The following MTDH variants were observed in gnomAD, a reference collection of about 807,000 sequenced individuals.
The protein encoded by MTDH is protein LYRIC.
MTDH carries 34 observed loss-of-function variants against 72.7 expected under a neutral mutation model. The ratio of observed to expected loss-of-function variants is 0.47; its 90% CI spans 0.36 to 0.62. The LOEUF (loss-of-function observed/expected upper bound fraction) is 0.62. Among genes scored for constraint, MTDH ranks in the 20% least tolerant of loss-of-function variants. The pLI, the probability that MTDH is intolerant of heterozygous loss-of-function variation, is 0.00. For missense variants in MTDH, 677 were observed against 699.4 expected (o/e 0.97, Z 0.36); for synonymous variants, 266 against 268.9 (o/e 0.99, Z 0.10).
chr8:97,710,737 C>A (rs1448833454), intron 8 of MTDH, among the ~76,000 whole-genome samples: 1 of 149,848 alleles, frequency 6.7e-6, no homozygotes, highest in South Asian at 2.1e-4. Context: ...CGGTGGTTCA[C>A]GCCTGTAATC....
In MTDH at chr8:97,644,812, C is replaced by T; in HGVS notation, c.306C>T (p.Asp102=). The T allele has an allele frequency of 6.4e-7, 1 of 1,574,016 alleles. No homozygotes were observed. The highest frequency in any genetic ancestry group is 8.6e-7 in the Non-Finnish European group (1 of 1,167,464). ...AAAVPAAAPD[D]LALLKNLRSE... ...CCGTGCCGGCCGCGGCCCCCGACGA[C>T]CTGGCCTTGCTGAAGAATCTCCGGA... The change falls in exon 1 of 12, where the codon GAC becomes GAT. Residue 102 remains aspartate, a synonymous_variant. Transcript: ENST00000336273.
intron 2 of MTDH, among the ~76,000 whole-genome samples, chr8:97,664,752 T>A (rs1812311742): frequency 6.6e-6 from 1 of 151,892 alleles, no homozygotes; most frequent in Admixed American, 6.6e-5. Flanking sequence ...CTTCCTTCCT[T>A]CTTTCCTTTC....
Position 97,729,469 on chromosome 8 carries a change from T to A in MTDH, c.*4799T>A, listed in dbSNP as rs562933875. ...CCAAATTAACATTTTGAGATTCTGT[T>A]AGGAAGATGAGAATTGGATAATGGG... On this transcript the variant is annotated 3_prime_UTR_variant, in exon 12 of 12. Coordinates refer to ENST00000336273, the MANE Select transcript of MTDH (RefSeq NM_178812.4). Among the ~76,000 whole-genome samples the A allele has an allele frequency of 6.6e-6, 1 of 152,266 alleles. No homozygotes were observed. Among genetic ancestry groups the A allele is most frequent in the African/African-American group, 2.4e-5 (1 of 41,552 alleles).
intron 6 of MTDH, among the ~76,000 whole-genome samples, chr8:97,692,477 A>G (rs1042531711): frequency 2.1e-5 from 3 of 145,880 alleles, no homozygotes; most frequent in Non-Finnish European, 4.5e-5. Flanking sequence ...GGTTCAAGCA[A>G]TTCTCTTGCC....
chr8:97,689,538 A>G (rs753203573), intron 5 of MTDH, among the ~76,000 whole-genome samples: 8 of 151,920 alleles, frequency 5.3e-5, no homozygotes, highest in South Asian at 2.1e-4. Flanking sequence ...ATATTTCACA[A>G]TGGATTATAG....
chr8:97,723,313 G>A (rs933438804), intron 11 of MTDH, among the ~76,000 whole-genome samples: 1 of 151,738 alleles, frequency 6.6e-6, no homozygotes, highest in Admixed American at 6.6e-5. Flanking sequence ...CAGGAGAATG[G>A]CGTGAACCCG....
intron 1 of MTDH, among the ~76,000 whole-genome samples, chr8:97,659,813 C>G (rs1356394545): frequency 6.6e-6 from 1 of 152,162 alleles, no homozygotes; most frequent in African/African-American, 2.4e-5. Flanking sequence ...ACCTAGGCCC[C>G]ATTCTCCAAA....
At chr8:97,690,888 G>T (rs1276581889) in intron 5 of MTDH, 64 bp from the exon 6 acceptor site, 4 of 1,148,384 alleles carry the variant, frequency 3.5e-6, no homozygotes, top group South Asian at 1.5e-5. Flanking sequence ...ATAGAAATGT[G>T]AAAATATCCC....
intron 6 of MTDH, among the ~76,000 whole-genome samples, chr8:97,691,983 G>A (rs778074786): frequency 2.1e-4 from 32 of 151,920 alleles, no homozygotes; most frequent in Non-Finnish European, 4.6e-4. Context: ...GGGTTCAAGC[G>A]ATTCTCCTAC....
At chr8:97,691,801 A>G (rs1190957655) in intron 6 of MTDH, among the ~76,000 whole-genome samples, 1 of 152,074 alleles carries the variant, frequency 6.6e-6, no homozygotes, top group Non-Finnish European at 1.5e-5. Context: ...CCTAGTGACA[A>G]CTGCTGTTAT....
intron 1 of MTDH, among the ~76,000 whole-genome samples, chr8:97,651,594 C>A (rs1054964571): frequency 6.6e-6 from 1 of 152,078 alleles, no homozygotes; most frequent in Non-Finnish European, 1.5e-5. Flanking sequence ...CAGAAATGAC[C>A]GTGAAAGTAC....
chr8:97,681,724 C>T (rs540910316), intron 2 of MTDH, among the ~76,000 whole-genome samples: 1 of 152,074 alleles, frequency 6.6e-6, no homozygotes, highest in East Asian at 1.9e-4. Context: ...AACTCCTAAC[C>T]TCAGGTAATC....
chr8:97,720,542 C>T (rs1815074306), intron 10 of MTDH, among the ~76,000 whole-genome samples: 1 of 151,918 alleles, frequency 6.6e-6, no homozygotes, highest in South Asian at 2.1e-4. Context: ...CGCCACTGCA[C>T]TCCAGCCTGG....
chr8:97,670,952 GTT>G (rs1160758851), intron 2 of MTDH, among the ~76,000 whole-genome samples: 5,165 of 77,592 alleles, frequency 0.067, 67 homozygotes, highest in East Asian at 0.19. Flanking sequence ...TGTTGTTGTT[GTT>G]TTTTTTTTTT....
intron 2 of MTDH, among the ~76,000 whole-genome samples, chr8:97,672,119 G>A (rs1469550757): frequency 6.6e-6 from 1 of 152,162 alleles, no homozygotes; most frequent in Non-Finnish European, 1.5e-5. Flanking sequence ...CCATAGGTTG[G>A]CAAACCATGG....
chr8:97,686,772 G>T lies in MTDH; in HGVS notation c.568+20G>T. On this transcript the variant is annotated intron_variant, in intron 3 of 11. Transcript: ENST00000336273. Reference sequence around the variant, plus strand: ...ATGAAGGTACTTGAGCAAGGGAAAGGACTGTAGAAAATTTTTTAATCCTTT... The same window carrying T: ...ATGAAGGTACTTGAGCAAGGGAAAGTACTGTAGAAAATTTTTTAATCCTTT... The T allele has an allele frequency of 6.5e-7, 1 of 1,541,906 alleles. No homozygotes were observed.
chr8:97,692,972 T>C (rs1813679532), intron 6 of MTDH, among the ~76,000 whole-genome samples: 1 of 152,162 alleles, frequency 6.6e-6, no homozygotes, highest in Non-Finnish European at 1.5e-5. Flanking sequence ...CCTCAAGTTG[T>C]CTTCCTACCC....
chr8:97,691,794 A>G (rs1374342321), intron 6 of MTDH, among the ~76,000 whole-genome samples: 1 of 152,140 alleles, frequency 6.6e-6, no homozygotes, highest in African/African-American at 2.4e-5. Flanking sequence ...AATGCCACCT[A>G]GTGACAACTG....
In MTDH at chr8:97,661,072, C is replaced by T; in HGVS notation, c.382C>T (p.Pro128Ser). ...NRKKLSEKPKPNGRTVEVAEG... is the reference protein window; with the variant it reads ...NRKKLSEKPKSNGRTVEVAEG... ...ATGATACTTTTTGTTGCCTGTGCAGCCAAATGGGCGGACTGTTGAAGTGGC... is the reference window on the plus strand; with the variant it reads ...ATGATACTTTTTGTTGCCTGTGCAGTCAAATGGGCGGACTGTTGAAGTGGC... The change falls in exon 2 of 12, where the codon CCA becomes TCA. Residue 128 changes from proline to serine, a missense_variant and splice_region_variant. By Grantham distance (74) the Pro-to-Ser change is moderately conservative. This residue lies in a region of MTDH where 467 missense variants were observed against 469.1 expected (regional missense o/e 1.00). Coordinates refer to ENST00000336273, the MANE Select transcript of MTDH (RefSeq NM_178812.4). 6.2e-7 allele frequency: 1 copy of T among 1,611,696 alleles called. No homozygotes were observed. Among genetic ancestry groups the T allele is most frequent in the Non-Finnish European group, 8.5e-7 (1 of 1,178,512 alleles).
Sources: gnomAD v4.1 joint callset for allele counts (sites outside exome capture counted in the v4.1 genomes callset) on GRCh38, gnomAD v4.1.1 for gene constraint, gnomAD v4.1.1 regional missense constraint, MANE v1.5 for transcripts, NCBI Gene and HGNC (gene_info 2026-07-23, HGNC 2026-07-21) for gene names.